The following SLF2 variants were observed in gnomAD, a reference collection of about 807,000 sequenced individuals.
The protein encoded by SLF2 is SMC5-SMC6 complex localization factor protein 2.
Under a neutral mutation model 124.3 loss-of-function variants are expected in SLF2, and 68 were observed. The ratio of observed to expected loss-of-function variants is 0.55; its 90% CI spans 0.45 to 0.67. SLF2 has a LOEUF of 0.67. Among genes scored for constraint, SLF2 ranks in the 30% least tolerant of loss-of-function variants. The pLI is 0.00. For missense variants in SLF2, 1,246 were observed against 1,373.7 expected (o/e 0.91, Z 1.47); for synonymous variants, 480 against 478.8 (o/e 1.00, Z -0.03).
intron 3 of SLF2, 115 bp from the exon 4 acceptor site, chr10:100,918,269 A>G: frequency 1.8e-6 from 1 of 557,342 alleles, no homozygotes; most frequent in Non-Finnish European, 3.1e-6. Context: ...TTACCTCCAA[A>G]TATGGGTGCT....
At chr10:100,956,418 A>G in intron 17 of SLF2, 33 bp from the exon 18 acceptor site, 2 of 1,465,878 alleles carry the variant, frequency 1.4e-6, no homozygotes, top group Non-Finnish European at 1.9e-6. Flanking sequence ...ATGCTTCAGA[A>G]TTGTTTTCAT....
At chr10:100,936,317 TTTTTG>T (rs3051169) in intron 9 of SLF2, among the ~76,000 whole-genome samples, 104,431 of 148,218 alleles carry the variant, frequency 0.7, 37,253 homozygotes, top group South Asian at 0.78. Flanking sequence ...GTGATATCTT[TTTTTG>T]TTTTGTTTTG....
intron 9 of SLF2, among the ~76,000 whole-genome samples, chr10:100,937,181 T>C (rs1196072039): frequency 6.6e-6 from 1 of 152,124 alleles, no homozygotes; most frequent in African/African-American, 2.4e-5. Flanking sequence ...TGGCTAATTT[T>C]TGTATTTTTT....
rs751669765 is a variant in SLF2, at chr10:100,916,011, T to G, written c.153T>G (p.Ile51Met). The G allele has an allele frequency of 1.9e-6, 3 of 1,611,578 alleles. No individual in the cohort carries two copies. In the South Asian group the frequency reaches 3.3e-5, roughly 18 times the overall value. ...CTTTTATTTTCAGGAAGCAGTCAAT[T>G]ATAGATTTCTTCAAACCAGCTTCAA... ...TESPGDRKQS[I>M]IDFFKPASKQ... The change falls in exon 2 of 20, where the codon ATT becomes ATG. Residue 51 changes from isoleucine to methionine, a missense_variant. Transcript: ENST00000238961.
At chr10:100,914,314 T>TG (rs1849375751) in intron 1 of SLF2, among the ~76,000 whole-genome samples, 2 of 148,870 alleles carry the variant, frequency 1.3e-5, no homozygotes, top group Non-Finnish European at 3.0e-5. Flanking sequence ...GTGTGTGTGT[T>TG]TTTTTTTAAG....
rs542340094 is a variant in SLF2 at position 100,913,149 on chromosome 10, C to T, written c.39C>T (p.Pro13=). ...RRCMPARPGF[P]SSPAPGSSPP... ...GCATGCCCGCTAGGCCAGGTTTCCC[C>T]TCATCCCCAGCCCCGGGGTCGTCGC... Residue 13 remains proline (P), a synonymous_variant, in exon 1 of 20, where the codon CCC becomes CCT. Transcript: ENST00000238961. 3.7e-6 allele frequency: 6 copies of T among 1,612,846 alleles called. No homozygotes were observed. The South Asian group carries it at 4.4e-5, about 12-fold the overall frequency.
At chr10:100,932,493 G>C (rs1229024205) in intron 9 of SLF2, among the ~76,000 whole-genome samples, 1 of 152,098 alleles carries the variant, frequency 6.6e-6, no homozygotes, top group Admixed American at 6.5e-5. Context: ...TTCTACTCTG[G>C]GTTTTATGAT....
Position 100,924,428 on chromosome 10 carries a change from T to C in SLF2, c.1427T>C (p.Leu476Pro). 6.2e-7 allele frequency: 1 copy of C among 1,614,216 alleles called. No homozygotes were observed. The highest frequency in any genetic ancestry group is 8.5e-7 in the Non-Finnish European group (1 of 1,180,046). The change falls in exon 5 of 20, where the codon CTT becomes CCT. Residue 476 changes from leucine (L) to proline (P), a missense_variant. Transcript: ENST00000238961. The part of the protein sequence containing the change: ...TKEKETKLPL[L>P]SRVPSAGSSL... ...GAGAAGGAGACAAAACTACCTTTAC[T>C]TTCCCGTGTTCCAAGTGCTGGTTCC...
Position 100,916,700 on chromosome 10 carries a change from A to G in SLF2, c.315A>G (p.Pro105=). ...SPKESKPKRV[P]PEKSPIIEAF... is the part of the protein sequence containing the mutation. ...AAGAATCTAAACCCAAAAGGGTGCCACCAGAAAAGAGCCCTATTATAGAAG... is the reference window on the plus strand; with the variant it reads ...AAGAATCTAAACCCAAAAGGGTGCCGCCAGAAAAGAGCCCTATTATAGAAG... The change falls in exon 3 of 20, where the codon CCA becomes CCG. Residue 105 remains proline (P), a synonymous_variant. Coordinates refer to ENST00000238961, the MANE Select transcript of SLF2 (RefSeq NM_018121.4). 1 of 1,551,174 alleles carries G rather than the reference A, an allele frequency of 6.4e-7. No individual in the cohort carries two copies. The highest frequency in any genetic ancestry group is 8.6e-7 in the Non-Finnish European group (1 of 1,156,312).
chr10:100,924,926 C>T lies in SLF2; in HGVS notation c.1925C>T (p.Pro642Leu), dbSNP rs1290969751. 2.5e-6 allele frequency: 4 copies of T among 1,614,036 alleles called. No individual in the cohort carries two copies. The highest frequency in any genetic ancestry group is 2.2e-5 in the South Asian group (2 of 91,070). ...FNQTPAATGK[P>L]PALSKGLRSQ... ...CAGACTCCTGCAGCTACAGGAAAGC[C>T]TCCTGCTCTTTCCAAGGGGCTTAGA... is the stretch of plus-strand genomic sequence containing the variant. The change falls in exon 5 of 20, where the codon CCT (proline) becomes CTT (leucine). Residue 642 changes from proline (P) to leucine (L), a missense_variant. Pro to Leu is a moderately conservative substitution (Grantham distance 98, BLOSUM62 -3). Transcript: ENST00000238961.
At position 100,965,005 on chromosome 10, in the gene SLF2, C is replaced by T. The variant is rs543231814; in HGVS notation, c.*3093C>T. Reference sequence around the variant, plus strand: ...TCCTGTCAGCCAGTTAATCCACCAGCTCTTAGGAAGTAAATACAGATTTTT... The same window carrying T: ...TCCTGTCAGCCAGTTAATCCACCAGTTCTTAGGAAGTAAATACAGATTTTT... On this transcript the variant is annotated 3_prime_UTR_variant, in exon 20 of 20. Transcript: ENST00000238961. The surrounding 1 kb of genome is among the most constrained non-coding windows in gnomAD (Gnocchi z 4.1). The T allele has an allele frequency of 1.2e-4, 18 of 151,638 alleles. No individual in the cohort carries two copies. The highest frequency in any genetic ancestry group is 2.2e-4 in the Non-Finnish European group (15 of 67,846). 9.4% of individuals were successfully genotyped at this position (151,638 alleles called of 1,614,324 possible). A position where few individuals can be genotyped will look rare whatever the true frequency, so the allele number is the denominator to read the frequency against.
At chr10:100,938,952 T>C (rs542553157) in intron 11 of SLF2, among the ~76,000 whole-genome samples, 1 of 152,364 alleles carries the variant, frequency 6.6e-6, no homozygotes, top group Non-Finnish European at 1.5e-5. Context: ...AAGTTTTGTT[T>C]TCTTTTTTAA....
At position 100,917,004 on chromosome 10, in the gene SLF2, G is replaced by C; in HGVS notation, c.619G>C (p.Asp207His). 1 of 1,614,180 alleles carries C rather than the reference G, an allele frequency of 6.2e-7. No homozygotes were observed. The highest frequency in any genetic ancestry group is 2.2e-5 in the East Asian group (1 of 44,878). The change falls in exon 3 of 20, where the codon GAC (aspartate) becomes CAC (histidine). Residue 207 changes from aspartate to histidine, a missense_variant. By Grantham distance (81) the Asp-to-His change is moderately conservative. This residue lies in a region of SLF2 where 698 missense variants were observed against 708.9 expected (regional missense o/e 0.98). Coordinates refer to ENST00000238961, the MANE Select transcript of SLF2 (RefSeq NM_018121.4). ...AAAGCAGACCACAGTGGCAGAAGCT[G>C]ACATCTTCAATAACAGCTCCAGAAG... Reference protein sequence around the residue: ...SKKQTTVAEADIFNNSSRSLS... With the variant: ...SKKQTTVAEAHIFNNSSRSLS...
At chr10:100,960,998 CTTTTT>C (rs59983480) in intron 19 of SLF2, among the ~76,000 whole-genome samples, 4 of 61,406 alleles carry the variant, frequency 6.5e-5, no homozygotes, top group African/African-American at 1.3e-4. Context: ...TTCTGTACTT[CTTTTT>C]TTTTTTTTTT....
intron 18 of SLF2, among the ~76,000 whole-genome samples, chr10:100,957,199 C>T (rs575894289): frequency 3.3e-5 from 5 of 151,956 alleles, no homozygotes; most frequent in Admixed American, 1.3e-4. Flanking sequence ...TAAATAAATA[C>T]GTAAGTTATG....
In SLF2 at chr10:100,959,485, C is replaced by T. The variant is rs139567699; in HGVS notation, c.3475C>T (p.Arg1159Trp). The T allele has an allele frequency of 2.0e-4, 330 of 1,612,804 alleles. No individual in the cohort carries two copies. In the East Asian group the frequency reaches 6.5e-3, roughly 32 times the overall value. ...ATGGCAGGAAATAATCCAGAACTGT[C>T]GGCCTACTCAGGTGTCATTTTGTTA... ...GKWQEIIQNC[R>W]PTQGQLHDFW... Residue 1159 changes from arginine (R) to tryptophan (W), a missense_variant, in exon 19 of 20, where the codon CGG (arginine) becomes TGG (tryptophan). Around this residue, in one of 3 missense-constraint regions of SLF2, gnomAD observed 535 missense variants for 632.8 expected, o/e 0.85. Transcript: ENST00000238961.
intron 17 of SLF2, among the ~76,000 whole-genome samples, chr10:100,952,463 C>A (rs1024934569): frequency 6.6e-6 from 1 of 151,432 alleles, no homozygotes; most frequent in Admixed American, 6.6e-5. Context: ...AGGAGAACTG[C>A]CTGAACCCAG....
rs1849574940 is a variant in SLF2 at position 100,924,451 on chromosome 10, T to G, written c.1450T>G (p.Ser484Ala). The change falls in exon 5 of 20, where the codon TCC (serine) becomes GCC (alanine). Residue 484 changes from serine to alanine, a missense_variant. Physicochemically the swap from Ser to Ala is moderately conservative, Grantham distance 99 (BLOSUM62 1). This residue lies in a region of SLF2 where 698 missense variants were observed against 708.9 expected (regional missense o/e 0.98). Coordinates refer to ENST00000238961, the MANE Select transcript of SLF2 (RefSeq NM_018121.4). ...ACTTTCCCGTGTTCCAAGTGCTGGT[T>G]CCTCTCTAGTACCATTAAATGCTAA... is the stretch of plus-strand genomic sequence containing the variant. ...PLLSRVPSAG[S>A]SLVPLNAKNC... 6.2e-7 allele frequency: 1 copy of G among 1,614,056 alleles called. No individual in the cohort carries two copies. Among genetic ancestry groups the G allele is most frequent in the African/African-American group, 1.3e-5 (1 of 74,924 alleles).
At chr10:100,937,358 T>C in intron 9 of SLF2, 44 bp from the exon 10 acceptor site, 2 of 1,460,960 alleles carry the variant, frequency 1.4e-6, no homozygotes, top group Non-Finnish European at 1.9e-6. Context: ...AATGTTTGTG[T>C]TTTCTTTCTT....
Sources: gnomAD v4.1 joint callset for allele counts (sites outside exome capture counted in the v4.1 genomes callset) on GRCh38, gnomAD v4.1.1 for gene constraint, gnomAD v4.1.1 regional missense constraint, Gnocchi (gnomAD v3.1) non-coding constraint, MANE v1.5 for transcripts, NCBI Gene and HGNC (gene_info 2026-07-23, HGNC 2026-07-21) for gene names.